Variants in CNOT9 observed in about 807,000 individuals in gnomAD.
CNOT9 encodes the protein RCD1 required for cell differentiation1 homolog.
A neutral mutation model predicts 37.4 loss-of-function variants in CNOT9; 8 were observed. The ratio of observed to expected loss-of-function variants is 0.21; its 90% CI spans 0.13 to 0.39. The LOEUF is 0.39. Ranked by LOEUF, CNOT9 falls within the 10% of genes least tolerant of loss-of-function variation. CNOT9 has a pLI of 1.00. For missense variants in CNOT9, 154 were observed against 365.3 expected (o/e 0.42, Z 4.71); for synonymous variants, 120 against 137.6 (o/e 0.87, Z 0.90).
chr2:218,585,429 C>T (rs1033113563), intron 4 of CNOT9, among the ~76,000 whole-genome samples: 14 of 151,468 alleles, frequency 9.2e-5, no homozygotes, highest in Admixed American at 8.5e-4. Flanking sequence ...AAAAATCAGC[C>T]GGGCGTGGTG....
At chr2:218,579,617 G>T (rs1369412341) in intron 1 of CNOT9, among the ~76,000 whole-genome samples, 2 of 151,976 alleles carry the variant, frequency 1.3e-5, no homozygotes, top group Admixed American at 1.3e-4. Context: ...CTCCAGAGTA[G>T]CTGGGACTAC....
intron 1 of CNOT9, among the ~76,000 whole-genome samples, chr2:218,578,999 C>G (rs1694274507): frequency 6.6e-6 from 1 of 152,092 alleles, no homozygotes; most frequent in South Asian, 2.1e-4. Context: ...AGAGAATATA[C>G]TGAAGAATCA....
Position 218,587,712 on chromosome 2 carries a change from T to C in CNOT9, c.540+17T>C, listed in dbSNP as rs1054820064. On this transcript the variant is annotated intron_variant, in intron 5 of 7. Transcript: ENST00000273064. ...TCTAAAACAGTATGTACTTTTAACT[T>C]AGATTTTACATTGTGTTGACTCTTA... The C allele has an allele frequency of 2.8e-6, 4 of 1,429,936 alleles. No homozygotes were observed. Among genetic ancestry groups the C allele is most frequent in the Non-Finnish European group, 3.9e-6 (4 of 1,031,800 alleles). 88.6% of individuals were successfully genotyped at this position (1,429,936 alleles called of 1,614,324 possible).
chr2:218,588,828 G>A (rs1694685364), intron 5 of CNOT9, among the ~76,000 whole-genome samples: 1 of 151,482 alleles, frequency 6.6e-6, no homozygotes, highest in African/African-American at 2.4e-5. Context: ...GCCCACCTTG[G>A]CCTCCCAAAG....
Position 218,591,063 on chromosome 2 carries a change from C to T in CNOT9, c.541-1241C>T, listed in dbSNP as rs111562781. On this transcript the variant is annotated intron_variant, in intron 5 of 7. Transcript: ENST00000273064. ...ACTTGGATAAACAGGGATAATCCCC[C>T]ATCTCAAGATCCTTAACTTAATCAC... Among the ~76,000 whole-genome samples the T allele has an allele frequency of 2.4e-3, 360 of 152,242 alleles. 1 individual carries two copies. Among genetic ancestry groups the T allele is most frequent in the Non-Finnish European group, 3.9e-3 (264 of 68,026 alleles).
At chr2:218,587,479 T>C in intron 4 of CNOT9, 107 bp from the exon 5 acceptor site, 1 of 1,329,458 alleles carries the variant, frequency 7.5e-7, no homozygotes, top group Non-Finnish European at 9.7e-7. Context: ...AACCCCAGTT[T>C]GTGTTCTGTT....
At chr2:218,569,916 A>G (rs1693917602) in intron 1 of CNOT9, among the ~76,000 whole-genome samples, 1 of 152,076 alleles carries the variant, frequency 6.6e-6, no homozygotes, top group Non-Finnish European at 1.5e-5. Flanking sequence ...TTCCCTGACT[A>G]TCCTCTTCAA....
chr2:218,582,074 C>T (rs1392051561), intron 2 of CNOT9, among the ~76,000 whole-genome samples: 1 of 136,856 alleles, frequency 7.3e-6, no homozygotes, highest in African/African-American at 2.5e-5. Flanking sequence ...GAGTGAGACC[C>T]TGTCTCAAAA....
Position 218,580,753 on chromosome 2 carries a change from C to T in CNOT9, c.204+13C>T. On this transcript the variant is annotated intron_variant, in intron 2 of 7. Coordinates refer to ENST00000273064, the MANE Select transcript of CNOT9 (RefSeq NM_005444.3). ...AGCACTTTTACAGGTGGGTTCATGTCCATGATTGGCAGTTCAGTTCTTTTC... is the reference window on the plus strand; with the variant it reads ...AGCACTTTTACAGGTGGGTTCATGTTCATGATTGGCAGTTCAGTTCTTTTC... 6.2e-7 allele frequency: 1 copy of T among 1,606,746 alleles called. No homozygotes were observed.
intron 1 of CNOT9, among the ~76,000 whole-genome samples, chr2:218,577,849 A>G (rs1409568353): frequency 4.6e-5 from 7 of 152,176 alleles, no homozygotes; most frequent in Admixed American, 1.3e-4. Flanking sequence ...GAAAGGTACT[A>G]TATTGCCAGA....
chr2:218,580,453 G>A (rs1694337214), intron 1 of CNOT9, 108 bp from the exon 2 acceptor site: 9 of 891,438 alleles, frequency 1.0e-5, no homozygotes, highest in East Asian at 2.7e-5. Flanking sequence ...ATTTAGAAAC[G>A]CTCCCCTGGT....
chr2:218,584,897 T>A (rs1694536821), intron 4 of CNOT9, among the ~76,000 whole-genome samples, 176 bp downstream of exon 4: 1 of 152,222 alleles, frequency 6.6e-6, no homozygotes, highest in Non-Finnish European at 1.5e-5. Context: ...CAAGCACTCT[T>A]CTAAGTGTTG....
At chr2:218,580,458 C>T in intron 1 of CNOT9, 103 bp from the exon 2 acceptor site, 1 of 944,126 alleles carries the variant, frequency 1.1e-6, no homozygotes, top group South Asian at 1.9e-5. Context: ...GAAACGCTCC[C>T]CTGGTATTCA....
In CNOT9 at chr2:218,595,250, G is replaced by C. The variant is rs1449650449; in HGVS notation, c.*974G>C. Reference sequence around the variant, plus strand: ...CAATAACTCTAAAAGGGAGGTGCTTGGGATTAAGGTGACAGTCCACTTGAT... The same window carrying C: ...CAATAACTCTAAAAGGGAGGTGCTTCGGATTAAGGTGACAGTCCACTTGAT... On this transcript the variant is annotated 3_prime_UTR_variant, in exon 8 of 8. Transcript: ENST00000273064. 6.6e-6 allele frequency: 1 copy of C among 152,056 alleles called. No homozygotes were observed. Among genetic ancestry groups the C allele is most frequent in the Non-Finnish European group, 1.5e-5 (1 of 68,022 alleles). 9.4% of individuals were successfully genotyped at this position (152,056 alleles called of 1,614,324 possible). A position where few individuals can be genotyped will look rare whatever the true frequency, so the allele number is the denominator to read the frequency against.
rs1694465201 is a variant in CNOT9, at chr2:218,583,223, GTGTGTGTGTGTCTCTC to G, written c.320+139_320+154del. 4.4e-5 allele frequency: 16 copies of G among 365,170 alleles called. No individual in the cohort carries two copies. In the African/African-American group the frequency reaches 4.5e-4, roughly 10 times the overall value. The allele number at this position is 365,170 out of a possible 1,614,324, so 22.6% of individuals were successfully genotyped here. On this transcript the variant is annotated intron_variant, in intron 3 of 7. Coordinates refer to ENST00000273064, the MANE Select transcript of CNOT9 (RefSeq NM_005444.3). ...TGTGTGTGTGTGTGTGTGTGTGTGT[GTGTGTGTGTGTCTCTC>G]TCTCTCTCTCTCTCTCTCTCTCTCT...
intron 5 of CNOT9, among the ~76,000 whole-genome samples, chr2:218,590,084 T>C (rs1694724500): frequency 6.6e-6 from 1 of 152,058 alleles, no homozygotes; most frequent in South Asian, 2.1e-4. Flanking sequence ...TGTTTTTTGT[T>C]TTTGAGACAG....
At chr2:218,581,076 G>C (rs747327297) in intron 2 of CNOT9, 8 of 478,502 alleles carry the variant, frequency 1.7e-5, no homozygotes, top group Admixed American at 2.3e-5. Context: ...CTACATGACA[G>C]GGGGAGGAAG....
intron 1 of CNOT9, among the ~76,000 whole-genome samples, chr2:218,571,959 CT>C (rs1012227826): frequency 6.6e-6 from 1 of 151,926 alleles, no homozygotes; most frequent in Non-Finnish European, 1.5e-5. Context: ...AGCATAATTT[CT>C]TTTTTCTCTC....
In CNOT9 at chr2:218,583,076, C is replaced by T; in HGVS notation, c.310C>T (p.Pro104Ser). The T allele has an allele frequency of 6.2e-7, 1 of 1,608,922 alleles. No homozygotes were observed. The highest frequency in any genetic ancestry group is 8.5e-7 in the Non-Finnish European group (1 of 1,175,512). The change falls in exon 3 of 8, where the codon CCA becomes TCA. Residue 104 changes from proline (P) to serine (S), a missense_variant. Around this residue, in one of 2 missense-constraint regions of CNOT9, gnomAD observed 117 missense variants for 325.4 expected, o/e 0.36. Coordinates refer to ENST00000273064, the MANE Select transcript of CNOT9 (RefSeq NM_005444.3). ...LALLQCVASH[P>S]ETRSAFLAAH... The stretch of plus-strand genomic sequence containing the variant: ...ATTACTGCAATGTGTAGCATCACAT[C>T]CAGAAACCAGGTAAATGCTTTGGGT...
Sources: allele counts gnomAD v4.1 joint callset (sites outside exome capture counted in the v4.1 genomes callset), GRCh38; gene constraint gnomAD v4.1.1; regional missense constraint gnomAD v4.1.1; transcripts MANE v1.5; gene names NCBI Gene and HGNC (gene_info 2026-07-23, HGNC 2026-07-21).